The following PPP1R14C variants were observed in gnomAD, a reference collection of about 807,000 sequenced individuals.
PPP1R14C encodes the protein protein phosphatase 1 regulatory subunit 14C.
In PPP1R14C, 16 loss-of-function variants were observed where a neutral mutation model predicts 20.4. That is an observed-to-expected ratio of 0.78 (90% CI 0.53 to 1.19). PPP1R14C has a LOEUF of 1.19. PPP1R14C is among the 50% of genes most tolerant of loss of function. The probability of loss-of-function intolerance (pLI) is 0.00; values close to 1 mark genes in which losing one functional copy is unlikely to be tolerated. For missense variants in PPP1R14C, 211 were observed against 220.1 expected (o/e 0.96, Z 0.26); for synonymous variants, 91 against 91.0 (o/e 1.00, Z 0.00).
chr6:150,158,161 C>T (rs1030462581), intron 1 of PPP1R14C, among the ~76,000 whole-genome samples: 7 of 152,246 alleles, frequency 4.6e-5, no homozygotes, highest in Non-Finnish European at 8.8e-5. Flanking sequence ...ATATGAAAAA[C>T]CATCTCCCCA....
intron 1 of PPP1R14C, among the ~76,000 whole-genome samples, chr6:150,189,148 C>T (rs952815477): frequency 9.2e-5 from 14 of 152,160 alleles, no homozygotes; most frequent in African/African-American, 2.9e-4. Flanking sequence ...TGTGAGCCAC[C>T]GCACCTGGCC....
intron 1 of PPP1R14C, among the ~76,000 whole-genome samples, chr6:150,207,302 G>A (rs898703592): frequency 3.3e-5 from 5 of 152,248 alleles, no homozygotes; most frequent in East Asian, 1.9e-4. Flanking sequence ...AAAGGCATAT[G>A]CTTGTTTACC....
At chr6:150,159,159 G>A (rs759688043) in intron 1 of PPP1R14C, among the ~76,000 whole-genome samples, 7 of 152,122 alleles carry the variant, frequency 4.6e-5, no homozygotes, top group East Asian at 1.9e-4. Flanking sequence ...TGACTTCTCC[G>A]GTATCATCAG....
At chr6:150,169,334 A>G (rs55710678) in intron 1 of PPP1R14C, among the ~76,000 whole-genome samples, 35,927 of 152,102 alleles carry the variant, frequency 0.24, 4,632 homozygotes, top group Middle Eastern at 0.32. Flanking sequence ...TTCTGTTGTC[A>G]TGGGAAACTT....
chr6:150,174,580 A>G (rs1777540165), intron 1 of PPP1R14C, among the ~76,000 whole-genome samples: 1 of 152,026 alleles, frequency 6.6e-6, no homozygotes. Flanking sequence ...ATTGGCTTAT[A>G]ATATATTCTG....
At chr6:150,228,601 G>A (rs1778256585) in intron 3 of PPP1R14C, among the ~76,000 whole-genome samples, 1 of 152,148 alleles carries the variant, frequency 6.6e-6, no homozygotes, top group African/African-American at 2.4e-5. Context: ...TACCCATGTG[G>A]CTGACCTTGT....
At chr6:150,161,995 A>G (rs1358510107) in intron 1 of PPP1R14C, among the ~76,000 whole-genome samples, 1 of 150,760 alleles carries the variant, frequency 6.6e-6, no homozygotes, top group Non-Finnish European at 1.5e-5. Context: ...GAACAGTTGC[A>G]CCCCCTATAA....
intron 1 of PPP1R14C, among the ~76,000 whole-genome samples, chr6:150,171,194 C>T (rs1480923169): frequency 6.6e-6 from 1 of 152,150 alleles, no homozygotes; most frequent in African/African-American, 2.4e-5. Flanking sequence ...CATGTACCCA[C>T]CATGGTAGTT....
intron 3 of PPP1R14C, among the ~76,000 whole-genome samples, chr6:150,224,546 T>C (rs76129621): frequency 0.04 from 6,049 of 152,350 alleles, 193 homozygotes; most frequent in East Asian, 0.15. Flanking sequence ...TCCTCAGCTG[T>C]GTGCAGTTTA....
chr6:150,162,356 A>C (rs889433303), intron 1 of PPP1R14C, among the ~76,000 whole-genome samples: 1 of 151,972 alleles, frequency 6.6e-6, no homozygotes, highest in Non-Finnish European at 1.5e-5. Flanking sequence ...TGCCAGGCCA[A>C]CCTCTGCCAT....
At chr6:150,198,535 T>C (rs1019368142) in intron 1 of PPP1R14C, among the ~76,000 whole-genome samples, 4 of 152,242 alleles carry the variant, frequency 2.6e-5, no homozygotes, top group Non-Finnish European at 5.9e-5. Context: ...ATTCTATGGG[T>C]TAAGACCTGG....
intron 1 of PPP1R14C, among the ~76,000 whole-genome samples, chr6:150,184,256 A>G (rs1289147756): frequency 6.6e-6 from 1 of 152,174 alleles, no homozygotes; most frequent in African/African-American, 2.4e-5. Flanking sequence ...TAAGGCACAA[A>G]TGGAGCATGG....
At chr6:150,179,637 T>C (rs1208229960) in intron 1 of PPP1R14C, among the ~76,000 whole-genome samples, 1 of 151,548 alleles carries the variant, frequency 6.6e-6, no homozygotes, top group Non-Finnish European at 1.5e-5. Context: ...CATTGGTTCA[T>C]GGGCTGTTAA....
At chr6:150,238,569 C>T (rs1778393514) in intron 3 of PPP1R14C, among the ~76,000 whole-genome samples, 1 of 152,264 alleles carries the variant, frequency 6.6e-6, no homozygotes, top group African/African-American at 2.4e-5. Context: ...CTGTCCTTTG[C>T]CCGCAGGGCA....
chr6:150,161,521 T>C (rs1053601203), intron 1 of PPP1R14C, among the ~76,000 whole-genome samples: 1 of 152,238 alleles, frequency 6.6e-6, no homozygotes, highest in South Asian at 2.1e-4. Context: ...CTACATGGGT[T>C]GCACTAGCCC....
At chr6:150,177,487 A>G (rs1777575605) in intron 1 of PPP1R14C, among the ~76,000 whole-genome samples, 1 of 152,188 alleles carries the variant, frequency 6.6e-6, no homozygotes, top group African/African-American at 2.4e-5. Context: ...CATGTGTAGC[A>G]CGTTCTCAGG....
At chr6:150,220,006 G>A (rs1392364578) in intron 3 of PPP1R14C, among the ~76,000 whole-genome samples, 1 of 151,974 alleles carries the variant, frequency 6.6e-6, no homozygotes, top group Non-Finnish European at 1.5e-5. Context: ...TAGGCATGGG[G>A]CACCATGCCT....
chr6:150,147,165 G>GT (rs969640982), intron 1 of PPP1R14C, among the ~76,000 whole-genome samples: 82 of 144,432 alleles, frequency 5.7e-4, no homozygotes, highest in African/African-American at 1.8e-3. Flanking sequence ...ACCCTGGTGG[G>GT]TTTTTTTTGT....
chr6:150,157,664 G>A (rs1463153351), intron 1 of PPP1R14C, among the ~76,000 whole-genome samples: 1 of 152,046 alleles, frequency 6.6e-6, no homozygotes, highest in Non-Finnish European at 1.5e-5. Context: ...CTCATGCCAT[G>A]TCATAACATG....
Sources: gnomAD v4.1 joint callset for allele counts (sites outside exome capture counted in the v4.1 genomes callset) on GRCh38, gnomAD v4.1.1 for gene constraint, MANE v1.5 for transcripts, NCBI Gene and HGNC (gene_info 2026-07-23, HGNC 2026-07-21) for gene names.